Variants in TENM4 observed in about 807,000 individuals in gnomAD.
The protein encoded by TENM4 is teneurin transmembrane protein 4, also known as teneurin-4.
Under a neutral mutation model 243.3 loss-of-function variants are expected in TENM4, and 82 were observed. That is an observed-to-expected ratio of 0.34 (90% CI 0.28 to 0.40). The LOEUF (loss-of-function observed/expected upper bound fraction) is 0.40, where lower values mean the gene tolerates loss of function less well. Among genes scored for constraint, TENM4 ranks in the 10% least tolerant of loss-of-function variants. TENM4 has a pLI of 1.00. For missense variants in TENM4, 3,138 were observed against 3,673.3 expected (o/e 0.85, Z 3.77); for synonymous variants, 1,412 against 1,456.3 (o/e 0.97, Z 0.69).
chr11:79,234,459 G>A (rs959318082), intron 2 of TENM4, among the ~76,000 whole-genome samples: 1 of 151,492 alleles, frequency 6.6e-6, no homozygotes, highest in Non-Finnish European at 1.5e-5. Flanking sequence ...ACTGCATGGG[G>A]CTGAGCTCAA....
intron 24 of TENM4, among the ~76,000 whole-genome samples, chr11:78,721,264 C>G (rs1049856085): frequency 2.0e-5 from 3 of 152,262 alleles, no homozygotes; most frequent in Non-Finnish European, 2.9e-5. Flanking sequence ...AGAGAATATT[C>G]CCCTGGTGGT....
chr11:78,751,182 G>A (rs1856183594), intron 19 of TENM4, among the ~76,000 whole-genome samples: 1 of 152,172 alleles, frequency 6.6e-6, no homozygotes, highest in African/African-American at 2.4e-5. Context: ...TGCTTGGGCA[G>A]CTTGTGTGTT....
At chr11:79,108,512 T>C (rs1252923341) in intron 4 of TENM4, among the ~76,000 whole-genome samples, 2 of 152,124 alleles carry the variant, frequency 1.3e-5, no homozygotes, top group Non-Finnish European at 2.9e-5. Context: ...TGTGTGTATA[T>C]ATATATATGT....
chr11:79,110,658 C>G (rs148466961), intron 4 of TENM4, among the ~76,000 whole-genome samples: 1 of 152,256 alleles, frequency 6.6e-6, no homozygotes, highest in East Asian at 1.9e-4. Context: ...TCCATAGAAA[C>G]GTGCATGTCA....
intron 6 of TENM4, among the ~76,000 whole-genome samples, chr11:78,995,341 G>A (rs141890137): frequency 1.3e-5 from 2 of 152,242 alleles, no homozygotes; most frequent in East Asian, 3.9e-4. Flanking sequence ...CAATGGGGGA[G>A]CCATGGAAAG....
chr11:79,439,581 C>A (rs561540163), intron 1 of TENM4, among the ~76,000 whole-genome samples: 2 of 151,828 alleles, frequency 1.3e-5, no homozygotes, highest in Admixed American at 6.6e-5. Flanking sequence ...CCCGACCCCC[C>A]CGCCAAGAAG....
chr11:79,423,316 T>G (rs1858977045), intron 1 of TENM4, among the ~76,000 whole-genome samples: 1 of 149,350 alleles, frequency 6.7e-6, no homozygotes, highest in Admixed American at 6.7e-5. Context: ...ATTGTACAGA[T>G]GAAGAAACCG....
At chr11:78,727,258 C>A (rs547963415) in intron 22 of TENM4, among the ~76,000 whole-genome samples, 1 of 152,140 alleles carries the variant, frequency 6.6e-6, no homozygotes, top group Non-Finnish European at 1.5e-5. Flanking sequence ...ACCATCCTGG[C>A]TAACATGGTG....
chr11:78,997,218 C>T (rs374323129), intron 6 of TENM4, among the ~76,000 whole-genome samples: 93 of 152,250 alleles, frequency 6.1e-4, no homozygotes, highest in African/African-American at 2.1e-3. Context: ...AGGAAAGTGG[C>T]CCTAAAATTC....
At chr11:79,120,505 C>A (rs1367395707) in intron 4 of TENM4, among the ~76,000 whole-genome samples, 2 of 152,218 alleles carry the variant, frequency 1.3e-5, no homozygotes, top group Non-Finnish European at 2.9e-5. Flanking sequence ...ACTAGGGACA[C>A]ATTGTTACTG....
At position 78,805,277 on chromosome 11, in the gene TENM4, T is replaced by TTCCCCCCCCCCCCCCCCCCCCCC; in HGVS notation, c.2179+14_2179+15insGGGGGGGGGGGGGGGGGGGGGGA. On this transcript the variant is annotated intron_variant, in intron 15 of 33. Transcript: ENST00000278550. ...CCCCTCCCTCTACCCATGCTTCTTC[T>TTCCCCCCCCCCCCCCCCCCCCCC]CCCCCTGCATTTACCGATAGAACAG... 7.1e-7 allele frequency: 1 copy of TTCCCCCCCCCCCCCCCCCCCCCC among 1,402,550 alleles called. No individual in the cohort carries two copies. Among genetic ancestry groups the TTCCCCCCCCCCCCCCCCCCCCCC allele is most frequent in the Non-Finnish European group, 9.7e-7 (1 of 1,033,116 alleles). The allele number at this position is 1,402,550 out of a possible 1,614,324, so 86.9% of individuals were successfully genotyped here.
chr11:79,164,176 A>G (rs1182321294), intron 3 of TENM4, among the ~76,000 whole-genome samples: 1 of 124,650 alleles, frequency 8.0e-6, no homozygotes, highest in African/African-American at 3.2e-5. Flanking sequence ...TATATGGCAT[A>G]CTATAGTGTA....
At chr11:78,724,295 G>A (rs1194181047) in intron 23 of TENM4, among the ~76,000 whole-genome samples, 2 of 152,130 alleles carry the variant, frequency 1.3e-5, no homozygotes, top group Non-Finnish European at 2.9e-5. Flanking sequence ...GTCTCACTAT[G>A]TTGCCAGGCT....
chr11:79,192,155 C>T (rs1275293177), intron 3 of TENM4, among the ~76,000 whole-genome samples: 3 of 151,366 alleles, frequency 2.0e-5, no homozygotes, highest in Admixed American at 6.6e-5. Context: ...GGGGGTCAGC[C>T]CCCTGCCCGG....
At position 79,345,733 on chromosome 11, in the gene TENM4, C is replaced by A. The variant is rs575222145; in HGVS notation, c.-320-48190G>T. Among the ~76,000 whole-genome samples the A allele has an allele frequency of 3.3e-5, 5 of 152,260 alleles. No individual in the cohort carries two copies. In the South Asian group the frequency reaches 1.0e-3, roughly 32 times the overall value. On this transcript the variant is annotated intron_variant, in intron 1 of 33. Coordinates refer to ENST00000278550, the MANE Select transcript of TENM4 (RefSeq NM_001098816.3). ...CTACTTCATACATTATTGAGAAGTT[C>A]CTTGCAAATCACAGGTGCTTAATAA...
intron 5 of TENM4, among the ~76,000 whole-genome samples, chr11:79,067,398 T>C (rs930748210): frequency 6.6e-6 from 1 of 152,074 alleles, no homozygotes; most frequent in African/African-American, 2.4e-5. Flanking sequence ...TCTCGCCCCC[T>C]GTCCCCATCC....
chr11:78,698,123 C>T (rs116682387), intron 28 of TENM4, among the ~76,000 whole-genome samples: 1,935 of 152,182 alleles, frequency 0.013, 59 homozygotes, highest in African/African-American at 0.045. Context: ...TGTTTCAGGC[C>T]GGGTGCGGTG....
intron 4 of TENM4, among the ~76,000 whole-genome samples, chr11:79,106,522 G>A (rs752889421): frequency 7.2e-5 from 11 of 152,230 alleles, no homozygotes; most frequent in East Asian, 1.9e-4. Context: ...AAGCATGTGA[G>A]GAAAGAGCTA....
chr11:78,993,111 T>C (rs922737853), intron 6 of TENM4, among the ~76,000 whole-genome samples: 11 of 152,196 alleles, frequency 7.2e-5, no homozygotes, highest in Non-Finnish European at 1.3e-4. Flanking sequence ...TATGCCGTGA[T>C]AGCCTCAATG....
Sources: allele counts gnomAD v4.1 joint callset (sites outside exome capture counted in the v4.1 genomes callset), GRCh38; gene constraint gnomAD v4.1.1; transcripts MANE v1.5; gene names NCBI Gene and HGNC (gene_info 2026-07-23, HGNC 2026-07-21).